The following SPTBN1 variants were observed in gnomAD, a reference collection of about 807,000 sequenced individuals.
SPTBN1 encodes spectrin beta chain, non-erythrocytic 1.
A neutral mutation model predicts 266.4 loss-of-function variants in SPTBN1; 32 were observed. That is an observed-to-expected ratio of 0.12 (90% CI 0.09 to 0.16). The LOEUF is 0.16. Among genes scored for constraint, SPTBN1 ranks in the 10% least tolerant of loss-of-function variants. The probability of loss-of-function intolerance (pLI) is 1.00; values close to 1 mark genes in which losing one functional copy is unlikely to be tolerated. For missense variants in SPTBN1, 2,296 were observed against 3,067.1 expected, an observed-to-expected ratio of 0.75 and a Z score of 5.94; for synonymous variants, 1,336 against 1,162.2, an observed-to-expected ratio of 1.15 and a Z score of -3.04.
At chr2:54,506,773 G>A (rs1669582769) in intron 1 of SPTBN1, among the ~76,000 whole-genome samples, 1 of 151,978 alleles carries the variant, frequency 6.6e-6, no homozygotes, top group Admixed American at 6.6e-5. Context: ...ATCGTAGTGC[G>A]TGCTATGAAA....
At chr2:54,547,439 T>C (rs1290193114) in intron 2 of SPTBN1, among the ~76,000 whole-genome samples, 1 of 152,216 alleles carries the variant, frequency 6.6e-6, no homozygotes. Flanking sequence ...AAGTGTCTCT[T>C]TGAGATCCTG....
intron 1 of SPTBN1, among the ~76,000 whole-genome samples, chr2:54,512,939 A>G (rs1395315370): frequency 6.6e-6 from 1 of 152,202 alleles, no homozygotes; most frequent in Non-Finnish European, 1.5e-5. Context: ...TGGCTTAGGC[A>G]TGTAATCCCA....
chr2:54,558,004 C>G lies in SPTBN1; in HGVS notation c.148+31438C>G. Reference sequence around the variant, plus strand: ...GACGCTAGAGAGTGAATGAGCCGCGCGGGCCCGGGACCCTTGGGGCTCTTC... The same window carrying G: ...GACGCTAGAGAGTGAATGAGCCGCGGGGGCCCGGGACCCTTGGGGCTCTTC... On this transcript the variant is annotated intron_variant, in intron 2 of 35. Transcript: ENST00000356805. This position sits in a 1 kb window ranked among gnomAD's most constrained non-coding sequence, Gnocchi z 4.6. 3.0e-6 allele frequency: 3 copies of G among 985,452 alleles called. No individual in the cohort carries two copies. Among genetic ancestry groups the G allele is most frequent in the Non-Finnish European group, 3.6e-6 (3 of 829,932 alleles). 61.0% of individuals were successfully genotyped at this position (985,452 alleles called of 1,614,324 possible).
intron 1 of SPTBN1, among the ~76,000 whole-genome samples, chr2:54,505,080 G>A (rs1170814711): frequency 6.6e-6 from 1 of 152,190 alleles, no homozygotes; most frequent in Non-Finnish European, 1.5e-5. Flanking sequence ...TAAACATAGA[G>A]CTGGAAAAGC....
intron 28 of SPTBN1, 69 bp from the exon 29 acceptor site, chr2:54,655,844 TA>T: frequency 8.3e-7 from 1 of 1,203,038 alleles, no homozygotes; most frequent in Non-Finnish European, 1.2e-6. Flanking sequence ...TTTTCTAGTA[TA>T]AAATGACCCC....
At chr2:54,656,182 C>G (rs1680642106) in intron 29 of SPTBN1, among the ~76,000 whole-genome samples, 184 bp downstream of exon 29, 1 of 152,192 alleles carries the variant, frequency 6.6e-6, no homozygotes, top group Non-Finnish European at 1.5e-5. Flanking sequence ...ATGGCGTAGT[C>G]ATTTTTCACC....
chr2:54,518,398 A>G (rs1346949491), intron 1 of SPTBN1, among the ~76,000 whole-genome samples: 1 of 151,764 alleles, frequency 6.6e-6, no homozygotes, highest in African/African-American at 2.4e-5. Context: ...GCACACGTAT[A>G]CATATGTAAC....
At position 54,554,516 on chromosome 2, in the gene SPTBN1, C is replaced by A. The variant is rs773815065; in HGVS notation, c.148+27950C>A. Among the ~76,000 whole-genome samples the A allele has an allele frequency of 6.6e-6, 1 of 152,180 alleles. No homozygotes were observed. The highest frequency in any genetic ancestry group is 1.5e-5 in the Non-Finnish European group (1 of 68,038). ...CTGGGACTGCAGTTAGAAGTGGGAC[C>A]TAAGCAGGGTGAACCCAAATCACTA... On this transcript the variant is annotated intron_variant, in intron 2 of 35. Coordinates refer to ENST00000356805, the MANE Select transcript of SPTBN1 (RefSeq NM_003128.3). This position sits in a 1 kb window ranked among gnomAD's most constrained non-coding sequence, Gnocchi z 4.5.
intron 1 of SPTBN1, among the ~76,000 whole-genome samples, chr2:54,481,401 T>A (rs1446953544): frequency 0.012 from 884 of 73,120 alleles, 12 homozygotes; most frequent in African/African-American, 0.061. Context: ...AGTGTGTGTG[T>A]GTGTGTGTGT....
Position 54,555,213 on chromosome 2 carries a change from C to T in SPTBN1, c.148+28647C>T, listed in dbSNP as rs571674570. On this transcript the variant is annotated intron_variant, in intron 2 of 35. Transcript: ENST00000356805. Reference sequence around the variant, plus strand: ...AGCCCCTTGCCTCTTACTTCCTTTCCTAGATTTAACCCCACAACTATCTCA... The same window carrying T: ...AGCCCCTTGCCTCTTACTTCCTTTCTTAGATTTAACCCCACAACTATCTCA... Among the ~76,000 whole-genome samples, 16 of 152,220 alleles carry T rather than the reference C, an allele frequency of 1.1e-4. No homozygotes were observed. The East Asian group carries it at 2.3e-3, about 22-fold the overall frequency.
rs373440691 is a variant in SPTBN1, at chr2:54,637,825, C to T, written c.3858+22C>T. 6 of 1,592,596 alleles carry T rather than the reference C, an allele frequency of 3.8e-6. No homozygotes were observed. The Admixed American group carries it at 5.1e-5, about 13-fold the overall frequency. On this transcript the variant is annotated intron_variant, in intron 18 of 35. Coordinates refer to ENST00000356805, the MANE Select transcript of SPTBN1 (RefSeq NM_003128.3). ...AGAGGTATGTTACTCTTTAATCCCT[C>T]TATTCCTGTGTTCCAGTAATAGCAA...
intron 1 of SPTBN1, among the ~76,000 whole-genome samples, chr2:54,477,737 C>T (rs1667908083): frequency 6.6e-6 from 1 of 152,098 alleles, no homozygotes; most frequent in African/African-American, 2.4e-5. Context: ...TATGGTGAAA[C>T]CCCGTCTCTA....
chr2:54,627,624 C>T (rs1678441595), intron 12 of SPTBN1, among the ~76,000 whole-genome samples: 1 of 152,228 alleles, frequency 6.6e-6, no homozygotes, highest in Non-Finnish European at 1.5e-5. Context: ...CTTACAGGCT[C>T]AGCAACTTCT....
chr2:54,644,907 G>A (rs1300898630), intron 20 of SPTBN1, among the ~76,000 whole-genome samples: 1 of 152,130 alleles, frequency 6.6e-6, no homozygotes. Context: ...CATTTTACAC[G>A]AAAGAAATAT....
chr2:54,664,980 T>C lies in SPTBN1; in HGVS notation c.6659+289T>C. 2.7e-6 allele frequency: 1 copy of C among 368,712 alleles called. No homozygotes were observed. Among genetic ancestry groups the C allele is most frequent in the Non-Finnish European group, 5.0e-6 (1 of 200,688 alleles). 22.8% of individuals were successfully genotyped at this position (368,712 alleles called of 1,614,324 possible). On this transcript the variant is annotated intron_variant, in intron 33 of 35. Transcript: ENST00000356805. The surrounding 1 kb of genome is among the most constrained non-coding windows in gnomAD (Gnocchi z 5.6). ...TGAGACTGAAGAGTCTTCTTTACTT[T>C]AAGTGATTGATTTCATTTAGGACTC...
chr2:54,534,180 A>G (rs2104368843), intron 2 of SPTBN1, among the ~76,000 whole-genome samples: 1 of 152,286 alleles, frequency 6.6e-6, no homozygotes, highest in East Asian at 1.9e-4. Context: ...TGTCTAAATC[A>G]TGTTAGGGCT....
chr2:54,503,640 TC>T (rs1253945707), intron 1 of SPTBN1, among the ~76,000 whole-genome samples: 4 of 152,282 alleles, frequency 2.6e-5, no homozygotes, highest in African/African-American at 9.6e-5. Context: ...GCCTTTCCTT[TC>T]TAGTCTTTGA....
intron 1 of SPTBN1, among the ~76,000 whole-genome samples, chr2:54,473,370 T>C (rs1002996433): frequency 1.3e-5 from 2 of 152,230 alleles, no homozygotes; most frequent in African/African-American, 4.8e-5. Context: ...TATTGATCTT[T>C]TCACTTTCAG....
chr2:54,658,620 G>A (rs554254060), intron 30 of SPTBN1, among the ~76,000 whole-genome samples: 1 of 152,296 alleles, frequency 6.6e-6, no homozygotes, highest in Admixed American at 6.5e-5. Context: ...AAATGTACCT[G>A]CATACATTTG....
Sources: gnomAD v4.1 joint callset for allele counts (sites outside exome capture counted in the v4.1 genomes callset) on GRCh38, gnomAD v4.1.1 for gene constraint, Gnocchi (gnomAD v3.1) non-coding constraint, MANE v1.5 for transcripts, NCBI Gene and HGNC (gene_info 2026-07-23, HGNC 2026-07-21) for gene names.